The following SYNPO2 variants were observed in gnomAD, a reference collection of about 807,000 sequenced individuals.
The protein encoded by SYNPO2 is synaptopodin-2.
A neutral mutation model predicts 85.0 loss-of-function variants in SYNPO2; 56 were observed. The ratio of observed to expected loss-of-function variants is 0.66; its 90% confidence interval spans 0.53 to 0.82. The LOEUF (loss-of-function observed/expected upper bound fraction) is 0.82. SYNPO2 is among the 40% of genes least tolerant of loss of function. The pLI is 0.00. For synonymous variants in SYNPO2, 602 were observed against 591.1 expected, an observed-to-expected ratio of 1.02 and a Z score of -0.27; for missense variants, 1,575 against 1,534.2, an observed-to-expected ratio of 1.03 and a Z score of -0.44.
chr4:119,008,463 A>T (rs1272975636), intron 1 of SYNPO2, among the ~76,000 whole-genome samples: 1 of 151,932 alleles, frequency 6.6e-6, no homozygotes, highest in African/African-American at 2.4e-5. Context: ...TGGCAAAGCA[A>T]GCTTTGAATG....
chr4:118,991,645 A>AT (rs1736420166), intron 1 of SYNPO2, among the ~76,000 whole-genome samples: 1 of 152,192 alleles, frequency 6.6e-6, no homozygotes. Context: ...TATGTTGCCT[A>AT]TTGAAGCTCC....
At chr4:118,950,410 C>G (rs1734659063) in intron 1 of SYNPO2, among the ~76,000 whole-genome samples, 1 of 152,182 alleles carries the variant, frequency 6.6e-6, no homozygotes, top group Non-Finnish European at 1.5e-5. Flanking sequence ...CAGTCAGAAG[C>G]AGAAGCAGAG....
At chr4:118,982,865 C>G (rs553909804) in intron 1 of SYNPO2, among the ~76,000 whole-genome samples, 1 of 152,214 alleles carries the variant, frequency 6.6e-6, no homozygotes, top group East Asian at 1.9e-4. Context: ...CCAAAGAGGT[C>G]AAACTCTTAA....
chr4:119,038,592 T>A, intron 4 of SYNPO2: 1 of 980,900 alleles, frequency 1.0e-6, no homozygotes, highest in East Asian at 1.1e-4. Context: ...AAGTAGTGAA[T>A]CAGCACCTAG....
chr4:118,957,552 A>G (rs1734923154), intron 1 of SYNPO2, among the ~76,000 whole-genome samples: 1 of 152,142 alleles, frequency 6.6e-6, no homozygotes, highest in Admixed American at 6.6e-5. Flanking sequence ...GATTATTGTT[A>G]AATACTCTGT....
chr4:118,870,907 A>T (rs924390272), intron 1 of SYNPO2, among the ~76,000 whole-genome samples: 9 of 152,230 alleles, frequency 5.9e-5, no homozygotes, highest in African/African-American at 7.2e-5. Flanking sequence ...AAATTTTTTT[A>T]AAAAGCAGAT....
chr4:118,941,737 A>G (rs570814261), intron 1 of SYNPO2, among the ~76,000 whole-genome samples: 5 of 152,264 alleles, frequency 3.3e-5, no homozygotes, highest in African/African-American at 1.2e-4. Flanking sequence ...GGCTCATGCC[A>G]CTAAGCTTTT....
intron 1 of SYNPO2, among the ~76,000 whole-genome samples, chr4:118,922,653 T>C (rs1733578389): frequency 1.3e-5 from 2 of 152,002 alleles, no homozygotes; most frequent in Non-Finnish European, 2.9e-5. Context: ...TCTTTGTTCA[T>C]GTAACCAAAG....
chr4:118,943,334 C>T (rs1372074723), intron 1 of SYNPO2, among the ~76,000 whole-genome samples: 3 of 152,028 alleles, frequency 2.0e-5, no homozygotes, highest in Non-Finnish European at 4.4e-5. Flanking sequence ...GAGAGGGGCT[C>T]GGTATCAGAG....
intron 1 of SYNPO2, among the ~76,000 whole-genome samples, chr4:118,962,846 A>G (rs1735159017): frequency 6.6e-6 from 1 of 152,160 alleles, no homozygotes; most frequent in Non-Finnish European, 1.5e-5. Flanking sequence ...ACCACCCATT[A>G]GCCATAATCT....
intron 1 of SYNPO2, among the ~76,000 whole-genome samples, chr4:118,879,137 A>G (rs770486764): frequency 1.3e-5 from 2 of 152,066 alleles, no homozygotes; most frequent in African/African-American, 2.4e-5. Context: ...GAAGGAAGAA[A>G]CTCCCGACAC....
In SYNPO2 at chr4:119,030,950, T is replaced by G. The variant is rs1201776228; in HGVS notation, c.2175T>G (p.Ala725=). The change falls in exon 4 of 5, where the codon GCT becomes GCG. Residue 725 remains alanine, a synonymous_variant. Coordinates refer to ENST00000307142, the MANE Select transcript of SYNPO2 (RefSeq NM_133477.3). Reference sequence around the variant, plus strand: ...CAGAAGGCAAACGGGGCACTGGAGCTGGAGGTGATTCCGGACCGGAAGAAG... The same window carrying G: ...CAGAAGGCAAACGGGGCACTGGAGCGGGAGGTGATTCCGGACCGGAAGAAG... ...QNSEGKRGTG[A]GGDSGPEEDY... 2 of 1,614,058 alleles carry G rather than the reference T, an allele frequency of 1.2e-6. No homozygotes were observed. Among genetic ancestry groups the G allele is most frequent in the African/African-American group, 2.7e-5 (2 of 74,920 alleles).
At chr4:118,976,867 T>G (rs574846033) in intron 1 of SYNPO2, among the ~76,000 whole-genome samples, 92 of 152,290 alleles carry the variant, frequency 6.0e-4, no homozygotes, top group African/African-American at 2.1e-3. Flanking sequence ...AGAGTGTCGA[T>G]TGGTGCACTC....
At position 119,031,076 on chromosome 4, in the gene SYNPO2, C is replaced by T. The variant is rs751926863; in HGVS notation, c.2301C>T (p.Ser767=). Reference sequence around the variant, plus strand: ...TTGCTCCAAAACCTGCAGTCAAGTCCTCATCCTCCCAACCAGTAACTCCAG... The same window carrying T: ...TTGCTCCAAAACCTGCAGTCAAGTCTTCATCCTCCCAACCAGTAACTCCAG... The part of the protein sequence containing the change: ...PPVAPKPAVK[S]SSSQPVTPVS... The change falls in exon 4 of 5, where the codon TCC becomes TCT. Residue 767 remains serine, a synonymous_variant. Coordinates refer to ENST00000307142, the MANE Select transcript of SYNPO2 (RefSeq NM_133477.3). 1 of 1,614,084 alleles carries T rather than the reference C, an allele frequency of 6.2e-7. No individual in the cohort carries two copies. Among genetic ancestry groups the T allele is most frequent in the Non-Finnish European group, 8.5e-7 (1 of 1,180,024 alleles).
intron 1 of SYNPO2, among the ~76,000 whole-genome samples, chr4:118,954,839 C>T (rs946877791): frequency 3.9e-5 from 6 of 152,246 alleles, no homozygotes; most frequent in Middle Eastern, 3.4e-3. Context: ...CACAGATTAA[C>T]TCATTTAATC....
At chr4:118,955,199 C>G (rs1734833330) in intron 1 of SYNPO2, among the ~76,000 whole-genome samples, 1 of 152,044 alleles carries the variant, frequency 6.6e-6, no homozygotes, top group Non-Finnish European at 1.5e-5. Context: ...GGGGTTTTGC[C>G]ATGTTGGCCA....
intron 1 of SYNPO2, among the ~76,000 whole-genome samples, chr4:119,017,571 A>C (rs1378795476): frequency 6.6e-6 from 1 of 152,024 alleles, no homozygotes; most frequent in Admixed American, 6.6e-5. Context: ...CTAAAACTTT[A>C]ATTGTTGCCT....
intron 1 of SYNPO2, among the ~76,000 whole-genome samples, chr4:118,952,626 C>G (rs1008776697): frequency 6.6e-6 from 1 of 151,804 alleles, no homozygotes; most frequent in Non-Finnish European, 1.5e-5. Context: ...TAATGTAATA[C>G]CAAACTGCAA....
At chr4:118,921,469 T>C (rs143217178) in intron 1 of SYNPO2, among the ~76,000 whole-genome samples, 18 of 152,200 alleles carry the variant, frequency 1.2e-4, no homozygotes, top group African/African-American at 4.1e-4. Flanking sequence ...ATTTGGAAGC[T>C]ACACACAGTG....
Sources: gnomAD v4.1 joint callset for allele counts (sites outside exome capture counted in the v4.1 genomes callset) on GRCh38, gnomAD v4.1.1 for gene constraint, MANE v1.5 for transcripts, NCBI Gene and HGNC (gene_info 2026-07-23, HGNC 2026-07-21) for gene names.